Variants in MPZL1 observed in about 807,000 individuals in gnomAD.
MPZL1 encodes myelin protein zero like 1.
MPZL1 carries 16 observed loss-of-function variants against 29.3 expected under a neutral mutation model. That is an observed-to-expected ratio of 0.55 (90% CI 0.37 to 0.83). The LOEUF (loss-of-function observed/expected upper bound fraction) is 0.83. Ranked by LOEUF, MPZL1 falls within the 40% of genes least tolerant of loss-of-function variation. The probability of loss-of-function intolerance (pLI) is 0.00; values close to 1 mark genes in which losing one functional copy is unlikely to be tolerated. For synonymous variants in MPZL1, 143 were observed against 132.0 expected, an observed-to-expected ratio of 1.08 and a Z score of -0.57; for missense variants, 279 against 332.9, an observed-to-expected ratio of 0.84 and a Z score of 1.26.
intron 1 of MPZL1, among the ~76,000 whole-genome samples, chr1:167,731,460 G>A (rs1467304008): frequency 7.9e-5 from 11 of 138,398 alleles, no homozygotes; most frequent in Admixed American, 5.9e-4. Context: ...TTTTTGAGAC[G>A]GAGTCTTGCT....
chr1:167,762,385 G>C (rs1055554225), intron 1 of MPZL1, among the ~76,000 whole-genome samples: 5 of 152,178 alleles, frequency 3.3e-5, no homozygotes, highest in African/African-American at 1.2e-4. Flanking sequence ...ACTGCGAATT[G>C]GGCAGCCTTC....
At chr1:167,760,827 G>A (rs1437434620) in intron 1 of MPZL1, among the ~76,000 whole-genome samples, 3 of 149,118 alleles carry the variant, frequency 2.0e-5, no homozygotes, top group Non-Finnish European at 4.4e-5. Context: ...ACTGAGTGAG[G>A]TCACCAAGAG....
chr1:167,749,442 A>G (rs1660712503), intron 1 of MPZL1, among the ~76,000 whole-genome samples: 2 of 152,336 alleles, frequency 1.3e-5, no homozygotes, highest in South Asian at 4.1e-4. Flanking sequence ...TTTCTTTGTT[A>G]AAGAGGAGGC....
At chr1:167,772,136 G>C (rs939227753) in intron 2 of MPZL1, 139 bp from the exon 3 acceptor site, 2 of 710,186 alleles carry the variant, frequency 2.8e-6, no homozygotes, top group African/African-American at 3.6e-5. Context: ...GGAGAGAGAG[G>C]GGGAGAGGGA....
chr1:167,785,937 C>T (rs1415225286), intron 5 of MPZL1, among the ~76,000 whole-genome samples: 1 of 152,140 alleles, frequency 6.6e-6, no homozygotes, highest in African/African-American at 2.4e-5. Context: ...GGACTCCAGG[C>T]GCCCACCACC....
chr1:167,737,974 G>A (rs1448714971), intron 1 of MPZL1, among the ~76,000 whole-genome samples: 3 of 152,152 alleles, frequency 2.0e-5, no homozygotes, highest in East Asian at 1.9e-4. Context: ...CGCTCAGGCT[G>A]GAGTGCAGTG....
At chr1:167,752,088 A>T (rs137910908) in intron 1 of MPZL1, among the ~76,000 whole-genome samples, 1,586 of 152,276 alleles carry the variant, frequency 0.01, 24 homozygotes, top group Non-Finnish European at 0.019. Context: ...TCATCTTAAA[A>T]CTTTTCCTCT....
rs549117434 is a variant in MPZL1 at position 167,770,769 on chromosome 1, C to T, written c.259-1506C>T. Reference sequence around the variant, plus strand: ...GATGGGCCTAAATTTTACTCTGGGTCCCCAATTTACTATCATTGGTACCTT... The same window carrying T: ...GATGGGCCTAAATTTTACTCTGGGTTCCCAATTTACTATCATTGGTACCTT... On this transcript the variant is annotated intron_variant, in intron 2 of 5. Coordinates refer to ENST00000359523, the MANE Select transcript of MPZL1 (RefSeq NM_003953.6). Among the ~76,000 whole-genome samples the T allele has an allele frequency of 3.9e-5, 6 of 152,250 alleles. No homozygotes were observed. In the East Asian group the frequency reaches 5.8e-4, roughly 15 times the overall value.
intron 1 of MPZL1, among the ~76,000 whole-genome samples, chr1:167,739,296 TATATATATATATACAC>T (rs1365597293): frequency 1.5e-3 from 171 of 113,570 alleles, no homozygotes; most frequent in Middle Eastern, 7.8e-3. Context: ...TATATATATA[TATATATATATATACAC>T]ATATATATAT....
chr1:167,765,929 TC>T, intron 2 of MPZL1, 180 bp downstream of exon 2: 1 of 450,682 alleles, frequency 2.2e-6, no homozygotes, highest in Non-Finnish European at 3.8e-6. Context: ...CTTAAATGCG[TC>T]TGGTTTCCTT....
At chr1:167,741,632 A>G (rs1330826672) in intron 1 of MPZL1, among the ~76,000 whole-genome samples, 2 of 151,980 alleles carry the variant, frequency 1.3e-5, no homozygotes, top group Non-Finnish European at 2.9e-5. Context: ...GCCTGCAGTC[A>G]CTTCTTAACT....
intron 1 of MPZL1, among the ~76,000 whole-genome samples, chr1:167,740,363 C>T (rs1228411293): frequency 1.3e-5 from 2 of 152,210 alleles, no homozygotes; most frequent in East Asian, 1.9e-4. Flanking sequence ...GCCTCTGCCA[C>T]TCCATTGAAA....
At chr1:167,749,525 C>CA (rs1014401987) in intron 1 of MPZL1, among the ~76,000 whole-genome samples, 1 of 151,964 alleles carries the variant, frequency 6.6e-6, no homozygotes, top group African/African-American at 2.4e-5. Context: ...GGAAAGTAAA[C>CA]AAAAAAAGGC....
At chr1:167,733,712 C>G (rs1054172256) in intron 1 of MPZL1, among the ~76,000 whole-genome samples, 3 of 151,702 alleles carry the variant, frequency 2.0e-5, no homozygotes, top group African/African-American at 7.3e-5. Context: ...CCACTGCACT[C>G]CACCCTGGGT....
chr1:167,748,423 T>C (rs1660690877), intron 1 of MPZL1, among the ~76,000 whole-genome samples: 1 of 152,192 alleles, frequency 6.6e-6, no homozygotes. Flanking sequence ...AAGTGCTTAT[T>C]GGCTATGTAT....
intron 2 of MPZL1, among the ~76,000 whole-genome samples, chr1:167,769,764 T>C (rs1332398157): frequency 6.6e-6 from 1 of 152,206 alleles, no homozygotes; most frequent in African/African-American, 2.4e-5. Flanking sequence ...TTATCAGTGA[T>C]CATTTAGGCA....
intron 4 of MPZL1, 136 bp downstream of exon 4, chr1:167,773,504 TAGG>T (rs111872540): frequency 0.046 from 48,022 of 1,051,662 alleles, 1,425 homozygotes; most frequent in African/African-American, 0.11. Context: ...GCAGTCTCCT[TAGG>T]AGGTGTTCTA....
At chr1:167,726,856 A>G (rs1390150988) in intron 1 of MPZL1, among the ~76,000 whole-genome samples, 1 of 152,218 alleles carries the variant, frequency 6.6e-6, no homozygotes, top group East Asian at 1.9e-4. Context: ...TACTTATTCA[A>G]CGTAAATGAA....
At chr1:167,784,506 C>T (rs369487682) in intron 5 of MPZL1, among the ~76,000 whole-genome samples, 2 of 152,068 alleles carry the variant, frequency 1.3e-5, no homozygotes, top group East Asian at 1.9e-4. Flanking sequence ...CAAAGTTGAT[C>T]GTGGTTCTGT....
Sources: gnomAD v4.1 joint callset for allele counts (sites outside exome capture counted in the v4.1 genomes callset) on GRCh38, gnomAD v4.1.1 for gene constraint, MANE v1.5 for transcripts, NCBI Gene and HGNC (gene_info 2026-07-23, HGNC 2026-07-21) for gene names.